The following TBK1 variants were observed in gnomAD, a reference collection of about 807,000 sequenced individuals.
TBK1 encodes serine/threonine-protein kinase TBK1.
A neutral mutation model predicts 99.9 loss-of-function variants in TBK1; 37 were observed. That is an observed-to-expected ratio of 0.37 (90% CI 0.28 to 0.49). TBK1 has a LOEUF of 0.49. Among genes scored for constraint, TBK1 ranks in the 20% least tolerant of loss-of-function variants. The probability of loss-of-function intolerance (pLI) is 0.98; values close to 1 mark genes in which losing one functional copy is unlikely to be tolerated. For missense variants in TBK1, 644 were observed against 872.5 expected (o/e 0.74, Z 3.30); for synonymous variants, 258 against 279.8 (o/e 0.92, Z 0.78).
chr12:64,487,022 G>A (rs534077846), intron 11 of TBK1, among the ~76,000 whole-genome samples: 2 of 152,016 alleles, frequency 1.3e-5, no homozygotes, highest in Non-Finnish European at 2.9e-5. Context: ...AAACTAGATC[G>A]CTTAATATAG....
intron 16 of TBK1, 107 bp from the exon 17 acceptor site, chr12:64,496,842 C>T: frequency 2.8e-6 from 2 of 708,626 alleles, no homozygotes; most frequent in Non-Finnish European, 4.5e-6. Flanking sequence ...TCTAAAGCCA[C>T]AACAATCATT....
rs1555204731 is a variant in TBK1 at position 64,488,531 on chromosome 12, CAG to C, written c.1387_1388del (p.Glu463SerfsTer13). On this transcript the variant is annotated frameshift_variant, in exon 12 of 21. Transcript: ENST00000331710. LOFTEE classifies it high-confidence loss of function. ...TACAATGAAACTGTTCACAAAAAGA[CAG>C]AAGTTGTGATCACATTGGATTTCTG... 4 of 1,602,854 alleles carry C rather than the reference CAG, an allele frequency of 2.5e-6. No homozygotes were observed. Among genetic ancestry groups the C allele is most frequent in the African/African-American group, 1.3e-5 (1 of 74,526 alleles).
intron 6 of TBK1, among the ~76,000 whole-genome samples, chr12:64,479,644 A>G (rs888679174): frequency 2.6e-5 from 4 of 152,154 alleles, no homozygotes; most frequent in African/African-American, 7.2e-5. Context: ...TATGGGTAAG[A>G]GGGATTATAT....
In TBK1 at chr12:64,488,546, C is replaced by T; in HGVS notation, c.1400C>T (p.Thr467Ile). The change falls in exon 12 of 21, where the codon ACA becomes ATA. Residue 467 changes from threonine to isoleucine, a missense_variant. This residue lies in a region of TBK1 where 465 missense variants were observed against 588.0 expected (regional missense o/e 0.79). Coordinates refer to ENST00000331710, the MANE Select transcript of TBK1 (RefSeq NM_013254.4). ...CACAAAAAGACAGAAGTTGTGATCA[C>T]ATTGGATTTCTGTATCAGAAACATT... ...TVHKKTEVVI[T>I]LDFCIRNIEK... 2 of 1,606,304 alleles carry T rather than the reference C, an allele frequency of 1.2e-6. No homozygotes were observed. Among genetic ancestry groups the T allele is most frequent in the South Asian group, 2.3e-5 (2 of 88,576 alleles).
chr12:64,482,096 G>C, intron 8 of TBK1, 75 bp downstream of exon 8: 1 of 1,059,778 alleles, frequency 9.4e-7, no homozygotes, highest in Non-Finnish European at 1.2e-6. Context: ...AAAAGAAATA[G>C]AAAAGATGCC....
At chr12:64,497,345 G>A (rs1407103201) in intron 18 of TBK1, 86 bp downstream of exon 18, 2 of 1,011,024 alleles carry the variant, frequency 2.0e-6, no homozygotes, top group African/African-American at 1.6e-5. Context: ...GATAGAATGT[G>A]CCTACATTCA....
At chr12:64,488,412 A>ATT in intron 11 of TBK1, 75 bp from the exon 12 acceptor site, 1 of 708,448 alleles carries the variant, frequency 1.4e-6, no homozygotes, top group Non-Finnish European at 2.3e-6. Flanking sequence ...GAACTGTAGT[A>ATT]CTGCAGTATA....
intron 1 of TBK1, among the ~76,000 whole-genome samples, chr12:64,454,916 A>G (rs2136051709): frequency 6.7e-6 from 1 of 149,932 alleles, no homozygotes; most frequent in Non-Finnish European, 1.5e-5. Context: ...TGACCTCGTG[A>G]TCCGCCCGCC....
At chr12:64,499,233 T>C (rs1331583217) in intron 20 of TBK1, among the ~76,000 whole-genome samples, 1 of 151,396 alleles carries the variant, frequency 6.6e-6, no homozygotes, top group Non-Finnish European at 1.5e-5. Context: ...TTAGTAGAGC[T>C]GGGGTTTCAC....
At chr12:64,480,220 AT>A in intron 7 of TBK1, 98 bp downstream of exon 7, 1 of 749,276 alleles carries the variant, frequency 1.3e-6, no homozygotes, top group Non-Finnish European at 2.1e-6. Flanking sequence ...GTGTAGTTTG[AT>A]TTTATTTTAA....
intron 3 of TBK1, among the ~76,000 whole-genome samples, chr12:64,462,652 A>G (rs2040559200): frequency 6.6e-6 from 1 of 152,160 alleles, no homozygotes; most frequent in Non-Finnish European, 1.5e-5. Flanking sequence ...GAGTAATTTA[A>G]AATATTTTAT....
chr12:64,458,333 A>T (rs1028339933), intron 2 of TBK1, among the ~76,000 whole-genome samples: 3 of 152,094 alleles, frequency 2.0e-5, no homozygotes, highest in African/African-American at 7.2e-5. Context: ...TAGAATGACC[A>T]AATTCTTACA....
At chr12:64,469,791 A>T (rs1245907760) in intron 5 of TBK1, among the ~76,000 whole-genome samples, 1 of 134,928 alleles carries the variant, frequency 7.4e-6, no homozygotes. Context: ...CTCACCCAGT[A>T]CTTTTTTTTT....
intron 6 of TBK1, 138 bp from the exon 7 acceptor site, chr12:64,479,874 G>A (rs998406878): frequency 3.7e-6 from 2 of 546,558 alleles, no homozygotes; most frequent in African/African-American, 3.8e-5. Context: ...ATTGTTTTAT[G>A]GATCCTGTGA....
chr12:64,466,794 T>C (rs1161068111), intron 4 of TBK1, 107 bp from the exon 5 acceptor site: 1 of 845,254 alleles, frequency 1.2e-6, no homozygotes, highest in African/African-American at 1.8e-5. Flanking sequence ...AACCAAATTA[T>C]GGAAAAATTT....
intron 6 of TBK1, among the ~76,000 whole-genome samples, chr12:64,477,416 T>C (rs1245390645): frequency 6.6e-6 from 1 of 152,212 alleles, no homozygotes; most frequent in Non-Finnish European, 1.5e-5. Flanking sequence ...TGTCTGTGTG[T>C]GGCTATGGTA....
intron 4 of TBK1, among the ~76,000 whole-genome samples, chr12:64,465,650 C>T (rs557122739): frequency 6.6e-6 from 1 of 152,148 alleles, no homozygotes; most frequent in African/African-American, 2.4e-5. Flanking sequence ...AACTTGAAAA[C>T]ATTATGCTAA....
intron 1 of TBK1, 27 bp from the exon 2 acceptor site, chr12:64,455,813 T>G: frequency 1.5e-6 from 2 of 1,335,100 alleles, no homozygotes; most frequent in Non-Finnish European, 2.1e-6. Flanking sequence ...CCTTAAAACA[T>G]AGTTGCAAAT....
At chr12:64,488,631 A>C in intron 12 of TBK1, 43 bp downstream of exon 12, 1 of 1,282,926 alleles carries the variant, frequency 7.8e-7, no homozygotes, top group Non-Finnish European at 1.1e-6. Flanking sequence ...AAATTATTAA[A>C]TGTTCCATTT....
Sources: allele counts gnomAD v4.1 joint callset (sites outside exome capture counted in the v4.1 genomes callset), GRCh38; gene constraint gnomAD v4.1.1; regional missense constraint gnomAD v4.1.1; transcripts MANE v1.5; gene names NCBI Gene and HGNC (gene_info 2026-07-23, HGNC 2026-07-21).